GRM8: variants seen among roughly 807,000 people sequenced by gnomAD.
GRM8 encodes glutamate metabotropic receptor 8.
GRM8 carries 47 observed loss-of-function variants against 87.2 expected under a neutral mutation model. The observed-to-expected ratio is 0.54, with a 90% CI of 0.43 to 0.69. The LOEUF (loss-of-function observed/expected upper bound fraction) is 0.69, where lower values mean the gene tolerates loss of function less well. Among genes scored for constraint, GRM8 ranks in the 30% least tolerant of loss-of-function variants. The pLI, the probability that GRM8 is intolerant of heterozygous loss-of-function variation, is 0.00. For synonymous variants in GRM8, 396 were observed against 404.5 expected, an observed-to-expected ratio of 0.98 and a Z score of 0.25; for missense variants, 1,019 against 1,139.2, an observed-to-expected ratio of 0.89 and a Z score of 1.52.
chr7:126,691,906 G>A (rs1204548675), intron 7 of GRM8, among the ~76,000 whole-genome samples: 7 of 152,102 alleles, frequency 4.6e-5, no homozygotes, highest in African/African-American at 1.4e-4. Context: ...CTAGATCTTC[G>A]GGCCCTTTTA....
chr7:126,500,241 C>T (rs1285360012), intron 9 of GRM8, among the ~76,000 whole-genome samples: 2 of 151,902 alleles, frequency 1.3e-5, no homozygotes, highest in Non-Finnish European at 2.9e-5. Context: ...TCTCCCCTGC[C>T]CCCTCAACCT....
At chr7:126,704,837 T>G (rs963061552) in intron 7 of GRM8, among the ~76,000 whole-genome samples, 2 of 152,148 alleles carry the variant, frequency 1.3e-5, no homozygotes, top group Non-Finnish European at 2.9e-5. Context: ...TGCCCGAAAC[T>G]TCATTAGCAA....
At chr7:126,975,760 A>G (rs1810922980) in intron 3 of GRM8, among the ~76,000 whole-genome samples, 1 of 152,256 alleles carries the variant, frequency 6.6e-6, no homozygotes, top group South Asian at 2.1e-4. Context: ...TGAGTTAATT[A>G]TAACAAGAAA....
At chr7:127,056,190 C>A (rs1819968163) in intron 3 of GRM8, among the ~76,000 whole-genome samples, 1 of 151,986 alleles carries the variant, frequency 6.6e-6, no homozygotes, top group Admixed American at 6.6e-5. Flanking sequence ...TACAGATAAG[C>A]AAGAAATGGC....
chr7:126,875,864 T>C (rs1799486176), intron 6 of GRM8, among the ~76,000 whole-genome samples: 1 of 152,148 alleles, frequency 6.6e-6, no homozygotes, highest in Non-Finnish European at 1.5e-5. Context: ...GCACTTATTT[T>C]TGTGCTCTGG....
intron 10 of GRM8, among the ~76,000 whole-genome samples, chr7:126,439,825 A>AGTGTGTGCGTGTGTGTGT (rs1554431274): frequency 2.8e-5 from 4 of 142,570 alleles, no homozygotes; most frequent in Admixed American, 2.1e-4. Context: ...GGCCTAGGCT[A>AGTGTGTGCGTGTGTGTGT]GTGTGTGTGT....
At position 126,533,868 on chromosome 7, in the gene GRM8, G is replaced by C. The variant is rs2150861288; in HGVS notation, c.1514C>G (p.Ala505Gly). The change falls in exon 9 of 11, where the codon GCT (alanine) becomes GGT (glycine). Residue 505 changes from alanine (A) to glycine (G), a missense_variant. Transcript: ENST00000339582. Reference sequence around the variant, plus strand: ...CGCCGGGTGAGTATGTTCTCTATGAGCCCACTGCATGTCTTCCACCTGTGG... The same window carrying C: ...CGCCGGGTGAGTATGTTCTCTATGACCCCACTGCATGTCTTCCACCTGTGG... ...LHLKVEDMQWAHREHTHPASV... is the reference protein window; with the variant it reads ...LHLKVEDMQWGHREHTHPASV... 1.2e-6 allele frequency: 2 copies of C among 1,612,830 alleles called. No homozygotes were observed. The highest frequency in any genetic ancestry group is 1.1e-5 in the South Asian group (1 of 90,980).
At chr7:127,062,711 G>T (rs1820730088) in intron 3 of GRM8, among the ~76,000 whole-genome samples, 1 of 152,072 alleles carries the variant, frequency 6.6e-6, no homozygotes, top group South Asian at 2.1e-4. Context: ...TCTGTTCAGG[G>T]AATCATTTTA....
chr7:126,750,066 C>T (rs905793453), intron 7 of GRM8, among the ~76,000 whole-genome samples: 33 of 152,082 alleles, frequency 2.2e-4, no homozygotes, highest in African/African-American at 7.2e-4. Flanking sequence ...TTATTCTTCA[C>T]GGGGAAAACT....
chr7:126,639,240 T>G (rs1802146142), intron 7 of GRM8, among the ~76,000 whole-genome samples: 1 of 152,316 alleles, frequency 6.6e-6, no homozygotes, highest in South Asian at 2.1e-4. Flanking sequence ...TTATTTTGCA[T>G]GGAAGTGCAT....
chr7:127,069,962 T>A (rs529831003), intron 3 of GRM8, among the ~76,000 whole-genome samples: 3 of 152,326 alleles, frequency 2.0e-5, no homozygotes, highest in Non-Finnish European at 2.9e-5. Flanking sequence ...TCCTTCCTTT[T>A]TCCCTGCCAA....
intron 3 of GRM8, among the ~76,000 whole-genome samples, chr7:126,958,821 T>C (rs1809020341): frequency 6.6e-6 from 1 of 152,226 alleles, no homozygotes; most frequent in South Asian, 2.1e-4. Flanking sequence ...AAGGGTTTTC[T>C]CTACTTCTTC....
chr7:127,112,906 G>T (rs1826464291), intron 2 of GRM8, among the ~76,000 whole-genome samples: 1 of 152,092 alleles, frequency 6.6e-6, no homozygotes, highest in Non-Finnish European at 1.5e-5. Context: ...CTAATCAAAG[G>T]TCAACATCAT....
intron 3 of GRM8, among the ~76,000 whole-genome samples, chr7:127,086,607 G>T (rs1430673265): frequency 6.6e-6 from 1 of 152,064 alleles, no homozygotes; most frequent in African/African-American, 2.4e-5. Context: ...TAATGTCCCT[G>T]GTTGGAACCA....
chr7:127,069,119 A>T (rs1209883424), intron 3 of GRM8, among the ~76,000 whole-genome samples: 1 of 152,158 alleles, frequency 6.6e-6, no homozygotes. Context: ...CTCTTTCCAC[A>T]GGCAGCCAGT....
intron 6 of GRM8, among the ~76,000 whole-genome samples, chr7:126,824,316 T>A (rs1017274242): frequency 3.3e-5 from 5 of 152,130 alleles, no homozygotes; most frequent in African/African-American, 1.2e-4. Flanking sequence ...AAAGTATATA[T>A]TTTTATGTAT....
intron 8 of GRM8, among the ~76,000 whole-genome samples, chr7:126,571,861 C>T (rs1456267475): frequency 1.3e-5 from 2 of 152,034 alleles, no homozygotes; most frequent in East Asian, 3.9e-4. Context: ...CTGCCTCAGC[C>T]TCCCGAGTAG....
chr7:126,976,653 A>G (rs966943338), intron 3 of GRM8, among the ~76,000 whole-genome samples: 2 of 152,194 alleles, frequency 1.3e-5, no homozygotes, highest in Non-Finnish European at 2.9e-5. Context: ...TTAACAAAAA[A>G]TGGTCTTATG....
intron 9 of GRM8, among the ~76,000 whole-genome samples, chr7:126,530,881 C>T (rs975677944): frequency 2.6e-5 from 4 of 152,306 alleles, no homozygotes; most frequent in African/African-American, 7.2e-5. Flanking sequence ...GATCCTAGCT[C>T]ACTATAACCT....
Sources: allele counts gnomAD v4.1 joint callset (sites outside exome capture counted in the v4.1 genomes callset), GRCh38; gene constraint gnomAD v4.1.1; transcripts MANE v1.5; gene names NCBI Gene and HGNC (gene_info 2026-07-23, HGNC 2026-07-21).